The following CSF2RB variants were observed in gnomAD, a reference collection of about 807,000 sequenced individuals.
The protein encoded by CSF2RB is cytokine receptor common subunit beta.
A neutral mutation model predicts 67.2 loss-of-function variants in CSF2RB; 22 were observed. The observed-to-expected ratio is 0.33, with a 90% CI of 0.23 to 0.47. The LOEUF (loss-of-function observed/expected upper bound fraction) is 0.47, where lower values mean the gene tolerates loss of function less well. Among genes scored for constraint, CSF2RB ranks in the 20% least tolerant of loss-of-function variants. The pLI is 1.00. For synonymous variants in CSF2RB, 507 were observed against 482.9 expected (o/e 1.05, Z -0.65); for missense variants, 1,113 against 1,174.5 (o/e 0.95, Z 0.76).
Position 36,937,940 on chromosome 22 carries a change from A to G in CSF2RB, c.2132A>G (p.Tyr711Cys). 3 of 1,614,016 alleles carry G rather than the reference A, an allele frequency of 1.9e-6. No individual in the cohort carries two copies. Among genetic ancestry groups the G allele is most frequent in the Non-Finnish European group, 2.5e-6 (3 of 1,179,976 alleles). The change falls in exon 14 of 14, where the codon TAT becomes TGT. Residue 711 changes from tyrosine (Y) to cysteine (C), a missense_variant. By Grantham distance (194) the Tyr-to-Cys change is radical. Around this residue, in one of 2 missense-constraint regions of CSF2RB, gnomAD observed 554 missense variants for 517.9 expected, o/e 1.07. Transcript: ENST00000403662. This position sits in a 1 kb window ranked among gnomAD's most constrained non-coding sequence, Gnocchi z 4.6. ...DTEDPGVASG[Y>C]VSSADLVFTP... is the part of the protein sequence containing the mutation. ...GAGGACCCTGGAGTGGCCTCTGGTT[A>G]TGTCTCCTCTGCAGACCTGGTATTC...
chr22:36,930,641 C>T, intron 7 of CSF2RB, 32 bp from the exon 8 acceptor site: 8 of 1,611,884 alleles, frequency 5.0e-6, no homozygotes, highest in Non-Finnish European at 6.8e-6. Flanking sequence ...TGCCCTCCCT[C>T]TCCCTGCCCT....
chr22:36,935,211 C>G (rs1182320542), intron 10 of CSF2RB, 140 bp from the exon 11 acceptor site: 1 of 782,890 alleles, frequency 1.3e-6, no homozygotes, highest in Non-Finnish European at 2.2e-6. Context: ...CTCCCCTAAT[C>G]CCCCAAGGCA....
At chr22:36,917,878 A>G (rs1234841926) in intron 1 of CSF2RB, among the ~76,000 whole-genome samples, 2 of 152,110 alleles carry the variant, frequency 1.3e-5, no homozygotes, top group African/African-American at 4.8e-5. Flanking sequence ...AGCCGAGATC[A>G]TGCCATTGCA....
chr22:36,929,152 G>A (rs920815145), intron 4 of CSF2RB, among the ~76,000 whole-genome samples: 28 of 152,324 alleles, frequency 1.8e-4, no homozygotes, highest in Middle Eastern at 6.8e-3. Flanking sequence ...CCTCGCCAGC[G>A]CTTTTTATGG....
chr22:36,920,838 G>T (rs191029587), intron 1 of CSF2RB, among the ~76,000 whole-genome samples: 5 of 152,156 alleles, frequency 3.3e-5, no homozygotes, highest in Admixed American at 3.3e-4. Flanking sequence ...TGTAAAATGG[G>T]GTTTTAGATA....
At chr22:36,923,901 C>G in intron 3 of CSF2RB, 4 of 727,856 alleles carry the variant, frequency 5.5e-6, no homozygotes, top group Non-Finnish European at 4.0e-6. Context: ...CGCGCTCTCC[C>G]AGGCCCCCCC....
chr22:36,938,516 A>G lies in CSF2RB; in HGVS notation c.*14A>G. The G allele has an allele frequency of 1.9e-6, 3 of 1,603,706 alleles. No homozygotes were observed. The highest frequency in any genetic ancestry group is 2.6e-6 in the Non-Finnish European group (3 of 1,173,532). On this transcript the variant is annotated 3_prime_UTR_variant, in exon 14 of 14. Transcript: ENST00000403662. ...GAGGTGTGTTGAGACCCCCAGGCCT[A>G]GACAGGCAAGGGGATGGAGAGGGCT...
In CSF2RB at chr22:36,929,366, C is replaced by T. The variant is rs751990782; in HGVS notation, c.392-36C>T. 1.5e-5 allele frequency: 24 copies of T among 1,613,886 alleles called. No individual in the cohort carries two copies. The South Asian group carries it at 2.6e-4, about 18-fold the overall frequency. On this transcript the variant is annotated intron_variant, in intron 4 of 13. Coordinates refer to ENST00000403662, the MANE Select transcript of CSF2RB (RefSeq NM_000395.3). ...CAGGCCCTGACTGCCCCCCAGCGGT[C>T]CAGCCCTTAGGTGCCCTTCACTTCC...
At chr22:36,925,270 C>T (rs186501397) in intron 3 of CSF2RB, among the ~76,000 whole-genome samples, 22 of 152,336 alleles carry the variant, frequency 1.4e-4, no homozygotes, top group African/African-American at 3.6e-4. Flanking sequence ...ATCTCACCCA[C>T]GCCAGCCTGA....
chr22:36,934,071 A>G, intron 10 of CSF2RB, 77 bp downstream of exon 10: 1 of 1,557,670 alleles, frequency 6.4e-7, no homozygotes. Context: ...TCCCCAATGC[A>G]GCAGCCGTAG....
At position 36,938,233 on chromosome 22, in the gene CSF2RB, C is replaced by G. The variant is rs1472232675; in HGVS notation, c.2425C>G (p.Gln809Glu). 4 of 1,614,086 alleles carry G rather than the reference C, an allele frequency of 2.5e-6. No individual in the cohort carries two copies. In the South Asian group the frequency reaches 3.3e-5, roughly 13 times the overall value. Reference protein sequence around the residue: ...RPADVSPTSPQPEGLLVLQQV... With the variant: ...RPADVSPTSPEPEGLLVLQQV... ...GGCAGATGTGTCCCCAACATCCCCA[C>G]AGCCCGAGGGCCTCCTTGTCCTGCA... The change falls in exon 14 of 14, where the codon CAG (glutamine) becomes GAG (glutamate). Residue 809 changes from glutamine (Q) to glutamate (E), a missense_variant. Physicochemically the swap from Gln to Glu is conservative, Grantham distance 29. Coordinates refer to ENST00000403662, the MANE Select transcript of CSF2RB (RefSeq NM_000395.3).
rs1031180501 is a variant in CSF2RB at position 36,925,852 on chromosome 22, C to A, written c.201-135C>A. ...TCTCCCAGGATGGCAGCTCCGTGGGCAGGATTTTTGTGTGTTTTATCACTG... is the reference window on the plus strand; with the variant it reads ...TCTCCCAGGATGGCAGCTCCGTGGGAAGGATTTTTGTGTGTTTTATCACTG... On this transcript the variant is annotated intron_variant, in intron 3 of 13. Coordinates refer to ENST00000403662, the MANE Select transcript of CSF2RB (RefSeq NM_000395.3). 5 of 964,000 alleles carry A rather than the reference C, an allele frequency of 5.2e-6. No individual in the cohort carries two copies. In the African/African-American group the frequency reaches 8.1e-5, roughly 16 times the overall value. The allele number at this position is 964,000 out of a possible 1,614,324, so 59.7% of individuals were successfully genotyped here. A position where few individuals can be genotyped will look rare whatever the true frequency, so the allele number is the denominator to read the frequency against.
rs962436956 is a variant in CSF2RB at position 36,935,821 on chromosome 22, T to C, written c.1464+134T>C. The C allele has an allele frequency of 7.0e-6, 7 of 993,412 alleles. No homozygotes were observed. The East Asian group carries it at 1.3e-4, about 19-fold the overall frequency. 61.5% of individuals were successfully genotyped at this position (993,412 alleles called of 1,614,324 possible). Reference sequence around the variant, plus strand: ...TAGGTGGACTGGGCTTTGGGAGCTTTGGGAGTGGGGCCAGCACTTGGAAAT... The same window carrying C: ...TAGGTGGACTGGGCTTTGGGAGCTTCGGGAGTGGGGCCAGCACTTGGAAAT... On this transcript the variant is annotated intron_variant, in intron 12 of 13. Coordinates refer to ENST00000403662, the MANE Select transcript of CSF2RB (RefSeq NM_000395.3).
chr22:36,929,363 G>C, intron 4 of CSF2RB, 39 bp from the exon 5 acceptor site: 1 of 1,613,886 alleles, frequency 6.2e-7, no homozygotes, highest in South Asian at 1.1e-5. Flanking sequence ...GCCCCCCAGC[G>C]GTCCAGCCCT....
Position 36,926,032 on chromosome 22 carries a change from C to G in CSF2RB, c.246C>G (p.Pro82=), listed in dbSNP as rs200960215. ...PVSCDLSDDM[P]WSACPHPRCV... ...CCTGTGACCTCAGTGATGACATGCC[C>G]TGGTCAGCCTGCCCCCATCCCCGCT... The change falls in exon 4 of 14, where the codon CCC becomes CCG. Residue 82 remains proline (P), a synonymous_variant. Coordinates refer to ENST00000403662, the MANE Select transcript of CSF2RB (RefSeq NM_000395.3). 1.4e-4 allele frequency: 225 copies of G among 1,614,210 alleles called. 2 individuals are homozygous for G. In the East Asian group the frequency reaches 3.9e-3, roughly 28 times the overall value.
At chr22:36,920,003 C>T (rs1202365150) in intron 1 of CSF2RB, among the ~76,000 whole-genome samples, 2 of 152,188 alleles carry the variant, frequency 1.3e-5, no homozygotes, top group African/African-American at 4.8e-5. Flanking sequence ...CCACTGCGGG[C>T]TCGAATCTCA....
At chr22:36,913,954 T>C (rs764458614) in intron 1 of CSF2RB, among the ~76,000 whole-genome samples, 2 of 152,024 alleles carry the variant, frequency 1.3e-5, no homozygotes, top group African/African-American at 4.8e-5. Flanking sequence ...CGGGATCTGG[T>C]TGGTCCTGGT....
chr22:36,931,182 C>T (rs1434493153), intron 8 of CSF2RB, among the ~76,000 whole-genome samples: 1 of 152,188 alleles, frequency 6.6e-6, no homozygotes, highest in South Asian at 2.1e-4. Flanking sequence ...CCGAAATTCC[C>T]CACCGACTGA....
At position 36,933,844 on chromosome 22, in the gene CSF2RB, G is replaced by C; in HGVS notation, c.1165G>C (p.Glu389Gln). The change falls in exon 10 of 14, where the codon GAG becomes CAG. Residue 389 changes from glutamate to glutamine, a missense_variant. By Grantham distance (29) the Glu-to-Gln change is conservative (BLOSUM62 2). Around this residue, in one of 2 missense-constraint regions of CSF2RB, gnomAD observed 559 missense variants for 656.5 expected, o/e 0.85. Coordinates refer to ENST00000403662, the MANE Select transcript of CSF2RB (RefSeq NM_000395.3). ...DTATWKDSKT[E>Q]TLQNAHSMAL... Reference sequence around the variant, plus strand: ...TGCCAACCCACAGGACAGCAAGACCGAGACCCTCCAGAACGCCCACAGCAT... The same window carrying C: ...TGCCAACCCACAGGACAGCAAGACCCAGACCCTCCAGAACGCCCACAGCAT... 2 of 1,608,544 alleles carry C rather than the reference G, an allele frequency of 1.2e-6. No homozygotes were observed. The highest frequency in any genetic ancestry group is 1.7e-6 in the Non-Finnish European group (2 of 1,179,538).
Sources: allele counts gnomAD v4.1 joint callset (sites outside exome capture counted in the v4.1 genomes callset), GRCh38; gene constraint gnomAD v4.1.1; regional missense constraint gnomAD v4.1.1; non-coding constraint Gnocchi (gnomAD v3.1); transcripts MANE v1.5; gene names NCBI Gene and HGNC (gene_info 2026-07-23, HGNC 2026-07-21).